Variants in RIT2 observed in about 807,000 individuals in gnomAD.
The protein encoded by RIT2 is GTP-binding protein Rit2.
Under a neutral mutation model 23.7 loss-of-function variants are expected in RIT2, and 24 were observed. That is an observed-to-expected ratio of 1.01 (90% CI 0.73 to 1.43). The LOEUF is 1.43. Ranked by LOEUF, RIT2 falls within the 40% of genes most tolerant of loss-of-function variation. The pLI is 0.00. For missense variants in RIT2, 236 were observed against 266.9 expected, an observed-to-expected ratio of 0.88 and a Z score of 0.81; for synonymous variants, 107 against 91.1, an observed-to-expected ratio of 1.17 and a Z score of -0.99.
intron 4 of RIT2, among the ~76,000 whole-genome samples, chr18:42,854,646 C>T (rs534884706): frequency 4.4e-4 from 67 of 152,174 alleles, no homozygotes; most frequent in African/African-American, 1.5e-3. Context: ...CCAGGCATAC[C>T]GTTGAACAAT....
At chr18:42,850,703 T>G (rs2144035646) in intron 4 of RIT2, among the ~76,000 whole-genome samples, 1 of 152,310 alleles carries the variant, frequency 6.6e-6, no homozygotes, top group Admixed American at 6.5e-5. Flanking sequence ...ACCTTATTAT[T>G]TTTCTTTGGT....
At chr18:42,860,631 C>G (rs1402350958) in intron 4 of RIT2, among the ~76,000 whole-genome samples, 2 of 152,290 alleles carry the variant, frequency 1.3e-5, no homozygotes, top group Admixed American at 1.3e-4. Flanking sequence ...AATACCCTCT[C>G]TAGGAGGAGT....
At chr18:42,878,351 A>G (rs1329952742) in intron 4 of RIT2, among the ~76,000 whole-genome samples, 3 of 151,838 alleles carry the variant, frequency 2.0e-5, no homozygotes, top group African/African-American at 4.8e-5. Context: ...TTATTTAAAT[A>G]ATCAAAAAAG....
At chr18:42,904,171 A>G (rs1908551588) in intron 4 of RIT2, among the ~76,000 whole-genome samples, 1 of 152,140 alleles carries the variant, frequency 6.6e-6, no homozygotes, top group Non-Finnish European at 1.5e-5. Flanking sequence ...TACATAATGG[A>G]AAAAAGTACT....
At chr18:42,835,483 T>C (rs902486144) in intron 4 of RIT2, among the ~76,000 whole-genome samples, 2 of 152,158 alleles carry the variant, frequency 1.3e-5, no homozygotes, top group Non-Finnish European at 2.9e-5. Context: ...ATTCTATTTA[T>C]ATAATATTAT....
chr18:42,919,492 T>TC (rs1470927967), intron 4 of RIT2, among the ~76,000 whole-genome samples: 26 of 152,160 alleles, frequency 1.7e-4, no homozygotes, highest in African/African-American at 6.3e-4. Flanking sequence ...GGCTGGAGGA[T>TC]CACCTGAGGT....
At chr18:43,001,187 T>C (rs761099965) in intron 2 of RIT2, among the ~76,000 whole-genome samples, 14 of 151,980 alleles carry the variant, frequency 9.2e-5, no homozygotes, top group Non-Finnish European at 2.1e-4. Context: ...TTTTTGGATT[T>C]GAAGCCTTGC....
chr18:42,823,281 T>C (rs1276076085), intron 4 of RIT2, among the ~76,000 whole-genome samples: 1 of 152,172 alleles, frequency 6.6e-6, no homozygotes, highest in Non-Finnish European at 1.5e-5. Flanking sequence ...CACAAAATAT[T>C]TCACACATTT....
intron 3 of RIT2, among the ~76,000 whole-genome samples, chr18:42,968,244 T>C (rs1910284389): frequency 6.6e-6 from 1 of 152,188 alleles, no homozygotes; most frequent in Non-Finnish European, 1.5e-5. Context: ...GGAGGAGAGC[T>C]ACTAGTTTGT....
chr18:43,089,538 C>T (rs113078642), intron 1 of RIT2, among the ~76,000 whole-genome samples: 4,040 of 150,548 alleles, frequency 0.027, 190 homozygotes, highest in African/African-American at 0.091. Context: ...ATAAAATTTA[C>T]ATGGAACCAA....
At chr18:42,923,496 T>C in intron 4 of RIT2, 76 bp downstream of exon 4, 2 of 1,216,210 alleles carry the variant, frequency 1.6e-6, no homozygotes, top group East Asian at 2.4e-5. Context: ...AGTGTGAACC[T>C]GGGAAAGCAG....
intron 3 of RIT2, among the ~76,000 whole-genome samples, chr18:42,948,610 G>T (rs138066230): frequency 7.9e-5 from 12 of 152,188 alleles, no homozygotes; most frequent in African/African-American, 2.9e-4. Flanking sequence ...CTCCCAGTTT[G>T]CCCAAGGAGT....
intron 1 of RIT2, among the ~76,000 whole-genome samples, chr18:43,092,160 G>C (rs976105951): frequency 2.0e-5 from 3 of 152,046 alleles, no homozygotes; most frequent in East Asian, 3.9e-4. Flanking sequence ...AGGATCCAGA[G>C]AGTGATTCTT....
At chr18:42,895,056 G>A (rs1775269427) in intron 4 of RIT2, among the ~76,000 whole-genome samples, 1 of 152,182 alleles carries the variant, frequency 6.6e-6, no homozygotes, top group African/African-American at 2.4e-5. Flanking sequence ...TTATCCCTAA[G>A]GAGGAAATCT....
At chr18:42,881,488 G>A (rs1233833156) in intron 4 of RIT2, among the ~76,000 whole-genome samples, 1 of 152,136 alleles carries the variant, frequency 6.6e-6, no homozygotes, top group Non-Finnish European at 1.5e-5. Flanking sequence ...CTATGGAAAA[G>A]TCCAAGGCTC....
chr18:42,883,145 TGC>T (rs1907937472), intron 4 of RIT2, among the ~76,000 whole-genome samples: 1 of 151,974 alleles, frequency 6.6e-6, no homozygotes, highest in African/African-American at 2.4e-5. Context: ...AGAGTGTGTG[TGC>T]GTGTGTGTGT....
At chr18:43,028,296 G>A (rs1911778327) in intron 2 of RIT2, among the ~76,000 whole-genome samples, 1 of 152,008 alleles carries the variant, frequency 6.6e-6, no homozygotes, top group Non-Finnish European at 1.5e-5. Flanking sequence ...TGAAGAATGA[G>A]TAAGAACTTG....
chr18:42,880,080 C>T (rs1173904452), intron 4 of RIT2, among the ~76,000 whole-genome samples: 1 of 152,050 alleles, frequency 6.6e-6, no homozygotes, highest in Non-Finnish European at 1.5e-5. Flanking sequence ...ATCTGGTGTC[C>T]CTGCTACAGA....
intron 2 of RIT2, among the ~76,000 whole-genome samples, chr18:43,016,303 G>A (rs532972622): frequency 2.0e-5 from 3 of 151,888 alleles, no homozygotes; most frequent in South Asian, 2.1e-4. Flanking sequence ...TTCCATTGGT[G>A]TGGTGCTTGA....
Sources: allele counts gnomAD v4.1 joint callset (sites outside exome capture counted in the v4.1 genomes callset), GRCh38; gene constraint gnomAD v4.1.1; transcripts MANE v1.5; gene names NCBI Gene and HGNC (gene_info 2026-07-23, HGNC 2026-07-21).